Variants in BPIFB3 observed in about 807,000 individuals in gnomAD.
BPIFB3 encodes the protein BPI fold-containing family B member 3.
BPIFB3 carries 49 observed loss-of-function variants against 53.1 expected under a neutral mutation model. The observed-to-expected ratio is 0.92, with a 90% CI of 0.73 to 1.17. BPIFB3 has a LOEUF of 1.17. Ranked by LOEUF, BPIFB3 falls within the 50% of genes most tolerant of loss-of-function variation. The pLI is 0.00. For missense variants in BPIFB3, 628 were observed against 592.5 expected (o/e 1.06, Z -0.62); for synonymous variants, 271 against 269.6 (o/e 1.01, Z -0.05).
At chr20:33,055,265 T>C (rs1034912239), upstream of BPIFB3, among the ~76,000 whole-genome samples, 1 of 152,212 alleles carries the variant, frequency 6.6e-6, no homozygotes. Flanking sequence ...GCGTGTTAGC[T>C]CTGCTTACAT....
intron 9 of BPIFB3, among the ~76,000 whole-genome samples, chr20:33,067,810 C>T (rs2146389794): frequency 6.6e-6 from 1 of 152,262 alleles, no homozygotes; most frequent in South Asian, 2.1e-4. Flanking sequence ...TTGCTGGCCT[C>T]GCAGCTTTAG....
intron 3 of BPIFB3, 52 bp from the exon 5 acceptor site, chr20:33,059,839 C>T: frequency 6.3e-7 from 1 of 1,594,148 alleles, no homozygotes; most frequent in Non-Finnish European, 8.5e-7. Flanking sequence ...GTGGGCGGGG[C>T]CAAGGGTGGG....
rs562343500 is a variant in BPIFB3 at position 33,059,570 on chromosome 20, C to G, written c.386+88C>G. 383 of 937,890 alleles carry G rather than the reference C, an allele frequency of 4.1e-4. 2 individuals are homozygous for G. The South Asian group carries it at 4.8e-3, about 12-fold the overall frequency. 58.1% of individuals were successfully genotyped at this position (937,890 alleles called of 1,614,324 possible). A position where few individuals can be genotyped will look rare whatever the true frequency, so the allele number is the denominator to read the frequency against. On this transcript the variant is annotated intron_variant, in intron 3 of 14. Transcript: ENST00000375494. ...ACTCCTACTCTGCTGTCCCCCCACT[C>G]CCACCCCTCTGTATCCCCCATTTCC...
chr20:33,055,882 G>A (rs1424119955), intron 1 of BPIFB3, among the ~76,000 whole-genome samples: 3 of 152,158 alleles, frequency 2.0e-5, no homozygotes, highest in South Asian at 2.1e-4. Flanking sequence ...CATCACTAGG[G>A]TAAGGGAACT....
At chr20:33,069,329 C>T (rs930837397) in intron 10 of BPIFB3, among the ~76,000 whole-genome samples, 2 of 152,176 alleles carry the variant, frequency 1.3e-5, no homozygotes, top group Non-Finnish European at 2.9e-5. Context: ...CTTCCTCCAT[C>T]GCACCTCTGC....
Position 33,070,076 on chromosome 20 carries a change from C to T in BPIFB3, c.1217+121C>T. On this transcript the variant is annotated intron_variant, in intron 11 of 14. Coordinates refer to ENST00000375494, the Ensembl canonical transcript of BPIFB3. ...GCAATTCCAGGTGTTTTTCCAGCAT[C>T]CTCCTTGCCTTCAGGACCCGCCAGG... The T allele has an allele frequency of 2.6e-6, 3 of 1,168,210 alleles. No homozygotes were observed. The South Asian group carries it at 3.8e-5, about 15-fold the overall frequency. 72.4% of individuals were successfully genotyped at this position (1,168,210 alleles called of 1,614,324 possible).
exon 14 of BPIFB3, chr20:33,072,761 A>G: frequency 6.2e-7 from 1 of 1,613,720 alleles, no homozygotes; most frequent in Non-Finnish European, 8.5e-7. Flanking sequence ...TCTTAATATC[A>G]ATTTTTCCAA....
At chr20:33,060,968 G>A (rs1443837672) in intron 4 of BPIFB3, among the ~76,000 whole-genome samples, 1 of 152,202 alleles carries the variant, frequency 6.6e-6, no homozygotes, top group East Asian at 1.9e-4. Context: ...GCTCTGGCTG[G>A]GTCCAAGGCC....
rs753309564 is a variant in BPIFB3 at position 33,061,846 on chromosome 20, C to T, written c.591+15C>T. On this transcript the variant is annotated intron_variant, in intron 5 of 14. Transcript: ENST00000375494. ...TTCCGGGACTGGTGAGTGTGCGGGC[C>T]GTGTGCCAGCATGCCCTCTCCCAGG... 1.3e-5 allele frequency: 21 copies of T among 1,613,700 alleles called. No homozygotes were observed. Among genetic ancestry groups the T allele is most frequent in the Middle Eastern group, 3.3e-4 (2 of 6,084 alleles).
At chr20:33,072,624 G>A (rs1980951844) in intron 13 of BPIFB3, 93 bp from the exon 15 acceptor site, 1 of 1,050,726 alleles carries the variant, frequency 9.5e-7, no homozygotes, top group Non-Finnish European at 1.5e-6. Context: ...GCTAGTGAAA[G>A]TGATGGAATA....
intron 11 of BPIFB3, among the ~76,000 whole-genome samples, chr20:33,070,959 G>A (rs778573393): frequency 4.6e-5 from 7 of 152,168 alleles, no homozygotes; most frequent in Admixed American, 1.3e-4. Context: ...CAGTCTGGGG[G>A]AGGTCACTCC....
At chr20:33,073,051 C>T (rs1189961128) in intron 14 of BPIFB3, among the ~76,000 whole-genome samples, 1 of 152,204 alleles carries the variant, frequency 6.6e-6, no homozygotes, top group Non-Finnish European at 1.5e-5. Context: ...GATTCAGAGA[C>T]ATGTCTGGCC....
chr20:33,058,567 G>T (rs2146380964), intron 2 of BPIFB3, among the ~76,000 whole-genome samples: 1 of 152,112 alleles, frequency 6.6e-6, no homozygotes, highest in Non-Finnish European at 1.5e-5. Context: ...GTGTTGGATA[G>T]ATATTATTAT....
intron 11 of BPIFB3, among the ~76,000 whole-genome samples, chr20:33,070,167 T>C (rs962230333): frequency 2.0e-5 from 3 of 151,962 alleles, no homozygotes; most frequent in Admixed American, 1.3e-4. Flanking sequence ...GGCTCAAGAG[T>C]GGGCTTCTTC....
intron 3 of BPIFB3, 78 bp from the exon 5 acceptor site, chr20:33,059,813 T>G (rs897286174): frequency 6.4e-7 from 1 of 1,551,832 alleles, no homozygotes; most frequent in Non-Finnish European, 8.7e-7. Flanking sequence ...CCTAGGCCAC[T>G]GGCAGGGCCA....
intron 2 of BPIFB3, among the ~76,000 whole-genome samples, chr20:33,057,047 C>G (rs886507397): frequency 6.6e-6 from 1 of 152,162 alleles, no homozygotes; most frequent in Non-Finnish European, 1.5e-5. Flanking sequence ...CCTTTCTTAT[C>G]CCCACCATAC....
At chr20:33,072,227 T>C in intron 13 of BPIFB3, 60 bp downstream of exon 14, 1 of 1,546,692 alleles carries the variant, frequency 6.5e-7, no homozygotes, top group Non-Finnish European at 8.9e-7. Context: ...TTGTCTAGTC[T>C]GTTGCCTCTC....
rs751553095 is a variant in BPIFB3, at chr20:33,059,442, C to T, written c.346C>T (p.Gln116Ter). ...GAAGCTGCTGCCGGGATTTGGGGTG[C>T]AGCTGAGCCTGCACACCAAAGTGGG... is the stretch of plus-strand genomic sequence containing the variant. Residue 116 changes from glutamine to a stop codon, truncating the protein, a stop_gained, in exon 3 of 15, where the codon CAG becomes TAG. Coordinates refer to ENST00000375494, the Ensembl canonical transcript of BPIFB3. LOFTEE classifies it high-confidence loss of function. 6.2e-7 allele frequency: 1 copy of T among 1,612,820 alleles called. No individual in the cohort carries two copies. Among genetic ancestry groups the T allele is most frequent in the South Asian group, 1.1e-5 (1 of 90,538 alleles).
rs773372148 is a variant in BPIFB3 at position 33,069,885 on chromosome 20, C to T, written c.1150-3C>T. On this transcript the variant is annotated splice_polypyrimidine_tract_variant and splice_region_variant and intron_variant, in intron 10 of 14. Coordinates refer to ENST00000375494, the Ensembl canonical transcript of BPIFB3. ...GTGACTTCTGCCTGCTTTGCCCATG[C>T]AGGTCATGACTGTGCGTGCCCAGCT... The T allele has an allele frequency of 1.1e-5, 18 of 1,614,218 alleles. No individual in the cohort carries two copies. Among genetic ancestry groups the T allele is most frequent in the Non-Finnish European group, 1.4e-5 (17 of 1,180,028 alleles).
Sources: gnomAD v4.1 joint callset for allele counts (sites outside exome capture counted in the v4.1 genomes callset) on GRCh38, gnomAD v4.1.1 for gene constraint, MANE v1.5 for transcripts, NCBI Gene and HGNC (gene_info 2026-07-23, HGNC 2026-07-21) for gene names.